Variants in ATRNL1 observed in about 807,000 individuals in gnomAD.
ATRNL1 encodes attractin like 1, also known as attractin-like protein 1.
Under a neutral mutation model 182.7 loss-of-function variants are expected in ATRNL1, and 95 were observed. That is an observed-to-expected ratio of 0.52 (90% CI 0.44 to 0.62). ATRNL1 has a LOEUF of 0.62. ATRNL1 is among the 20% of genes least tolerant of loss of function. ATRNL1 has a pLI of 0.00. For missense variants in ATRNL1, 1,471 were observed against 1,679.5 expected, an observed-to-expected ratio of 0.88 and a Z score of 2.17; for synonymous variants, 576 against 568.3, an observed-to-expected ratio of 1.01 and a Z score of -0.19.
At chr10:115,322,311 A>C (rs1347903642) in intron 18 of ATRNL1, among the ~76,000 whole-genome samples, 1 of 151,776 alleles carries the variant, frequency 6.6e-6, no homozygotes, top group Non-Finnish European at 1.5e-5. Flanking sequence ...GTATATAGTT[A>C]TAGCTTTTAT....
At chr10:115,840,094 T>C (rs1555096634) in intron 27 of ATRNL1, among the ~76,000 whole-genome samples, 2 of 152,124 alleles carry the variant, frequency 1.3e-5, no homozygotes, top group Admixed American at 6.6e-5. Flanking sequence ...GGAAAGTCTG[T>C]TCTCGGCAGC....
intron 27 of ATRNL1, among the ~76,000 whole-genome samples, chr10:115,831,594 G>A (rs1950561554): frequency 6.6e-6 from 1 of 152,106 alleles, no homozygotes; most frequent in African/African-American, 2.4e-5. Flanking sequence ...ATTACCAAGA[G>A]CCCAGGAGTC....
chr10:115,266,844 T>C lies in ATRNL1; in HGVS notation c.1820T>C (p.Ile607Thr). The change falls in exon 12 of 29, where the codon ATC becomes ACC. Residue 607 changes from isoleucine (I) to threonine (T), a missense_variant. Physicochemically the swap from Ile to Thr is moderately conservative, Grantham distance 89. Transcript: ENST00000355044. ...GGFSSVLLND[I>T]LVYKPPNCKA... Reference sequence around the variant, plus strand: ...TTTTCTAGTGTACTCCTTAATGATATCCTTGTATACAAGCCTCCAAATTGC... The same window carrying C: ...TTTTCTAGTGTACTCCTTAATGATACCCTTGTATACAAGCCTCCAAATTGC... 1 of 1,611,942 alleles carries C rather than the reference T, an allele frequency of 6.2e-7. No individual in the cohort carries two copies.
At chr10:115,480,739 T>A (rs564261804) in intron 24 of ATRNL1, among the ~76,000 whole-genome samples, 41 of 151,228 alleles carry the variant, frequency 2.7e-4, no homozygotes, top group Middle Eastern at 3.4e-3. Flanking sequence ...TTGACAGAAT[T>A]GAGTAGTGAA....
At chr10:115,603,653 A>C (rs1240547428) in intron 26 of ATRNL1, among the ~76,000 whole-genome samples, 2 of 152,204 alleles carry the variant, frequency 1.3e-5, no homozygotes, top group Non-Finnish European at 2.9e-5. Context: ...CATATTTTAT[A>C]AGCATCATCA....
At chr10:115,098,080 C>T (rs1234993182) in intron 1 of ATRNL1, among the ~76,000 whole-genome samples, 1 of 152,028 alleles carries the variant, frequency 6.6e-6, no homozygotes, top group Non-Finnish European at 1.5e-5. Flanking sequence ...TTCTTTATTT[C>T]AAAGTTTTAT....
intron 27 of ATRNL1, among the ~76,000 whole-genome samples, chr10:115,733,434 C>T (rs531816325): frequency 1.3e-5 from 2 of 152,304 alleles, no homozygotes; most frequent in African/African-American, 4.8e-5. Flanking sequence ...GTAGCTCTAA[C>T]AGTGCTAATT....
At chr10:115,642,295 G>T (rs2133859614) in intron 26 of ATRNL1, among the ~76,000 whole-genome samples, 1 of 152,172 alleles carries the variant, frequency 6.6e-6, no homozygotes, top group African/African-American at 2.4e-5. Context: ...AAAGTGTTCT[G>T]AAAACTACAC....
At chr10:115,279,498 T>A (rs1231080638) in intron 13 of ATRNL1, among the ~76,000 whole-genome samples, 3 of 152,198 alleles carry the variant, frequency 2.0e-5, no homozygotes, top group African/African-American at 7.2e-5. Flanking sequence ...CACACACTCT[T>A]CCCTCTTCAG....
chr10:115,493,029 A>G (rs1229494592), intron 24 of ATRNL1, among the ~76,000 whole-genome samples: 3 of 152,172 alleles, frequency 2.0e-5, no homozygotes, highest in African/African-American at 7.2e-5. Context: ...TTTGTACTCC[A>G]TAAATATATA....
intron 18 of ATRNL1, among the ~76,000 whole-genome samples, chr10:115,329,461 G>A (rs1168930950): frequency 2.6e-5 from 4 of 151,998 alleles, no homozygotes; most frequent in Non-Finnish European, 5.9e-5. Context: ...ATGATCTGTC[G>A]ATTGCTGAGA....
Position 115,120,375 on chromosome 10 carries a change from TTTA to T in ATRNL1, c.377+114_377+116del, listed in dbSNP as rs1564749598. On this transcript the variant is annotated intron_variant, in intron 2 of 28. Coordinates refer to ENST00000355044, the MANE Select transcript of ATRNL1 (RefSeq NM_207303.4). Reference sequence around the variant, plus strand: ...TATAATTACTTTATCATTTAGTTTGTTTATTATTAGATAATATTTACAACTTCT... The same window carrying T: ...TATAATTACTTTATCATTTAGTTTGTTTATTAGATAATATTTACAACTTCT... 2 of 559,320 alleles carry T rather than the reference TTTA, an allele frequency of 3.6e-6. 1 individual carries two copies. The highest frequency in any genetic ancestry group is 4.0e-5 in the African/African-American group (2 of 50,096). 34.6% of individuals were successfully genotyped at this position (559,320 alleles called of 1,614,324 possible).
rs1357172797 is a variant in ATRNL1, at chr10:115,613,028, C to T, written c.3795+63492C>T. 2.6e-5 allele frequency among the ~76,000 whole-genome samples: 4 copies of T among 152,186 alleles called. No individual in the cohort carries two copies. The South Asian group carries it at 6.2e-4, about 24-fold the overall frequency. On this transcript the variant is annotated intron_variant, in intron 26 of 28. Transcript: ENST00000355044. ...TTCTTCTCACATCAGTGAGGATGGT[C>T]AGCAAATTCTGAGTCAGTTTTAAAA...
At chr10:115,792,298 G>C (rs1182805086) in intron 27 of ATRNL1, among the ~76,000 whole-genome samples, 1 of 152,034 alleles carries the variant, frequency 6.6e-6, no homozygotes, top group Admixed American at 6.5e-5. Context: ...GTACGCTACA[G>C]AGTCCAGAGA....
intron 18 of ATRNL1, among the ~76,000 whole-genome samples, chr10:115,327,069 C>A (rs868917489): frequency 0.013 from 2,007 of 150,800 alleles, 39 homozygotes; most frequent in African/African-American, 0.046. Context: ...GCAACAAAAG[C>A]CAAAATTGAC....
chr10:115,740,830 A>G (rs1159563065), intron 27 of ATRNL1, among the ~76,000 whole-genome samples: 1 of 15,890 alleles, frequency 6.3e-5, no homozygotes, highest in Non-Finnish European at 1.9e-3. Context: ...AAACACACAC[A>G]CACACACACA....
intron 24 of ATRNL1, among the ~76,000 whole-genome samples, chr10:115,502,487 G>A (rs1849894295): frequency 6.6e-6 from 1 of 151,948 alleles, no homozygotes; most frequent in African/African-American, 2.4e-5. Flanking sequence ...TTTGAGAGAG[G>A]AGACTTAATT....
At chr10:115,364,241 TG>T (rs1326128571) in intron 19 of ATRNL1, among the ~76,000 whole-genome samples, 2 of 133,324 alleles carry the variant, frequency 1.5e-5, no homozygotes, top group South Asian at 2.7e-4. Flanking sequence ...TCACATCCCT[TG>T]TAAGTTGGAT....
intron 19 of ATRNL1, among the ~76,000 whole-genome samples, chr10:115,359,134 G>C (rs1455277138): frequency 1.3e-5 from 2 of 151,502 alleles, no homozygotes; most frequent in Non-Finnish European, 3.0e-5. Flanking sequence ...GCAGGTTTGT[G>C]CCTCCATGAT....
Sources: gnomAD v4.1 joint callset for allele counts (sites outside exome capture counted in the v4.1 genomes callset) on GRCh38, gnomAD v4.1.1 for gene constraint, MANE v1.5 for transcripts, NCBI Gene and HGNC (gene_info 2026-07-23, HGNC 2026-07-21) for gene names.